The following LYPLAL1 variants were observed in gnomAD, a reference collection of about 807,000 sequenced individuals.
LYPLAL1 encodes the protein lysophospholipase-like protein 1.
A neutral mutation model predicts 19.7 loss-of-function variants in LYPLAL1; 23 were observed. The observed-to-expected ratio is 1.17, with a 90% CI of 0.84 to 1.65. The LOEUF (loss-of-function observed/expected upper bound fraction) is 1.65, where lower values mean the gene tolerates loss of function less well. Ranked by LOEUF, LYPLAL1 falls within the 40% of genes most tolerant of loss-of-function variation. LYPLAL1 has a pLI of 0.00. For missense variants in LYPLAL1, 355 were observed against 279.4 expected (o/e 1.27, Z -1.93); for synonymous variants, 119 against 96.3 (o/e 1.24, Z -1.38).
At chr1:219,174,747 T>C (rs1392934083) in intron 1 of LYPLAL1, among the ~76,000 whole-genome samples, 1 of 152,220 alleles carries the variant, frequency 6.6e-6, no homozygotes, top group Non-Finnish European at 1.5e-5. Context: ...TGTCAACCTT[T>C]GCACCCCCAG....
chr1:219,215,720 G>A (rs537166829), downstream of LYPLAL1, among the ~76,000 whole-genome samples: 2 of 152,146 alleles, frequency 1.3e-5, no homozygotes, highest in Admixed American at 1.3e-4. Context: ...CCTGTACTGT[G>A]GACTGGGACT....
the LYPLAL1 span, among the ~76,000 whole-genome samples, chr1:219,220,154 A>G: frequency 6.6e-6 from 1 of 152,140 alleles, no homozygotes; most frequent in Admixed American, 6.6e-5. Context: ...AGGACTAGAT[A>G]CAAAAGGGAC....
At chr1:219,262,261 T>A in the LYPLAL1 span, among the ~76,000 whole-genome samples, 1 of 152,048 alleles carries the variant, frequency 6.6e-6, no homozygotes, top group Non-Finnish European at 1.5e-5. Flanking sequence ...TCCTGTATTA[T>A]TTTTTACATT....
At chr1:219,181,681 T>TA (rs1214457454) in intron 2 of LYPLAL1, among the ~76,000 whole-genome samples, 1 of 152,096 alleles carries the variant, frequency 6.6e-6, no homozygotes, top group Non-Finnish European at 1.5e-5. Context: ...GGGCGTTAGA[T>TA]ATAGGAATAC....
chr1:219,216,886 A>T (rs1195787931), downstream of LYPLAL1, among the ~76,000 whole-genome samples: 1 of 152,148 alleles, frequency 6.6e-6, no homozygotes, highest in African/African-American at 2.4e-5. Flanking sequence ...TTCTTAAGGA[A>T]TGACTGTCCT....
the LYPLAL1 span, among the ~76,000 whole-genome samples, chr1:219,295,501 A>C: frequency 6.6e-6 from 1 of 152,158 alleles, no homozygotes; most frequent in African/African-American, 2.4e-5. Context: ...AGAGATTCCC[A>C]TTTCCCAGCT....
At chr1:219,327,839 A>G in the LYPLAL1 span, among the ~76,000 whole-genome samples, 1 of 152,258 alleles carries the variant, frequency 6.6e-6, no homozygotes, top group South Asian at 2.1e-4. Flanking sequence ...GCCACCATGT[A>G]AGATGTGCCT....
At chr1:219,314,016 C>G in the LYPLAL1 span, among the ~76,000 whole-genome samples, 1 of 152,170 alleles carries the variant, frequency 6.6e-6, no homozygotes, top group African/African-American at 2.4e-5. Context: ...GTCTGTTGTT[C>G]CCTTCTTTGT....
the LYPLAL1 span, among the ~76,000 whole-genome samples, chr1:219,348,629 A>G: frequency 1.3e-5 from 2 of 152,190 alleles, no homozygotes; most frequent in African/African-American, 4.8e-5. Flanking sequence ...AGGTAGTTAA[A>G]TCATCAGGTT....
At chr1:219,213,307 A>G (rs990529629), downstream of LYPLAL1, among the ~76,000 whole-genome samples, 2 of 151,840 alleles carry the variant, frequency 1.3e-5, no homozygotes, top group Admixed American at 1.3e-4. Flanking sequence ...CCAGCATCAC[A>G]TAGTCTTAAT....
chr1:219,401,628 A>G, the LYPLAL1 span, among the ~76,000 whole-genome samples: 1 of 152,152 alleles, frequency 6.6e-6, no homozygotes, highest in African/African-American at 2.4e-5. Context: ...ATATAGAATT[A>G]AATTCATAGC....
the LYPLAL1 span, among the ~76,000 whole-genome samples, chr1:219,389,899 G>A: frequency 6.6e-6 from 1 of 152,180 alleles, no homozygotes; most frequent in South Asian, 2.1e-4. Flanking sequence ...TAGAAAGCCA[G>A]ATTTGCATAG....
At chr1:219,402,286 C>T in the LYPLAL1 span, among the ~76,000 whole-genome samples, 1 of 152,076 alleles carries the variant, frequency 6.6e-6, no homozygotes, top group East Asian at 1.9e-4. Flanking sequence ...TTAGTTAGTT[C>T]TGCAATAAGC....
chr1:219,430,218 C>G, the LYPLAL1 span, among the ~76,000 whole-genome samples: 1 of 148,852 alleles, frequency 6.7e-6, no homozygotes, highest in Admixed American at 6.7e-5. Flanking sequence ...TGCCTTAAGC[C>G]CAGGATGTCA....
the LYPLAL1 span, among the ~76,000 whole-genome samples, chr1:219,246,318 C>T: frequency 2.6e-5 from 4 of 152,092 alleles, no homozygotes; most frequent in Non-Finnish European, 5.9e-5. Flanking sequence ...TGTAGGCAAG[C>T]TGGCCCAAGG....
the LYPLAL1 span, among the ~76,000 whole-genome samples, chr1:219,318,227 A>C: frequency 1.3e-5 from 2 of 152,046 alleles, no homozygotes; most frequent in African/African-American, 4.8e-5. Context: ...AATATCTATC[A>C]TGCTTCTCTA....
At chr1:219,327,214 T>C in the LYPLAL1 span, among the ~76,000 whole-genome samples, 1 of 152,182 alleles carries the variant, frequency 6.6e-6, no homozygotes, top group African/African-American at 2.4e-5. Context: ...ACATCACTGC[T>C]TCTCCTCCTC....
the LYPLAL1 span, among the ~76,000 whole-genome samples, chr1:219,379,208 A>G: frequency 6.6e-6 from 1 of 152,188 alleles, no homozygotes; most frequent in Non-Finnish European, 1.5e-5. Flanking sequence ...CTTTTGACCA[A>G]CCATCAGCAA....
the LYPLAL1 span, among the ~76,000 whole-genome samples, chr1:219,301,586 T>C: frequency 6.6e-6 from 1 of 152,226 alleles, no homozygotes; most frequent in Non-Finnish European, 1.5e-5. Flanking sequence ...CTTAATCTTG[T>C]AGTGTTTCTG....
Sources: allele counts gnomAD v4.1 joint callset (sites outside exome capture counted in the v4.1 genomes callset), GRCh38; gene constraint gnomAD v4.1.1; transcripts MANE v1.5; gene names NCBI Gene and HGNC (gene_info 2026-07-23, HGNC 2026-07-21).